Variants in WNT7B observed in about 807,000 individuals in gnomAD.
WNT7B encodes Wnt family member 7B.
In WNT7B, 19 loss-of-function variants were observed where a neutral mutation model predicts 38.2. That is an observed-to-expected ratio of 0.50 (90% confidence interval 0.35 to 0.73). The LOEUF (loss-of-function observed/expected upper bound fraction) is 0.73, where lower values mean the gene tolerates loss of function less well. WNT7B is among the 30% of genes least tolerant of loss of function. WNT7B has a pLI of 0.01. For synonymous variants in WNT7B, 243 were observed against 209.3 expected (o/e 1.16, Z -1.39); for missense variants, 423 against 507.9 (o/e 0.83, Z 1.61).
At chr22:45,944,015 C>G (rs1931735350) in intron 2 of WNT7B, among the ~76,000 whole-genome samples, 1 of 152,152 alleles carries the variant, frequency 6.6e-6, no homozygotes, top group Non-Finnish European at 1.5e-5. Context: ...GAGGAGAAAC[C>G]CCAAATCCTG....
In WNT7B at chr22:45,975,636, T is replaced by G; in HGVS notation, c.71+1048A>C. On this transcript the variant is annotated intron_variant, in intron 1 of 3. Transcript: ENST00000339464. This position sits in a 1 kb window ranked among gnomAD's most constrained non-coding sequence, Gnocchi z 6.6. Reference sequence around the variant, plus strand: ...ACCTCTCCGCCTGGGAAGCCGCGTCTCCCACCAGTGGTACCTGCACCTGCC... The same window carrying G: ...ACCTCTCCGCCTGGGAAGCCGCGTCGCCCACCAGTGGTACCTGCACCTGCC... 1 of 712,726 alleles carries G rather than the reference T, an allele frequency of 1.4e-6. No homozygotes were observed. Among genetic ancestry groups the G allele is most frequent in the South Asian group, 1.5e-5 (1 of 67,060 alleles). The allele number at this position is 712,726 out of a possible 1,614,324, so 44.2% of individuals were successfully genotyped here. A position where few individuals can be genotyped will look rare whatever the true frequency, so the allele number is the denominator to read the frequency against.
intron 1 of WNT7B, among the ~76,000 whole-genome samples, chr22:45,967,512 G>A (rs988140419): frequency 3.9e-5 from 4 of 101,352 alleles, no homozygotes; most frequent in African/African-American, 1.2e-4. Context: ...CACTGGCTCC[G>A]CACCCTGGCC....
chr22:45,927,949 G>A (rs963975432), intron 3 of WNT7B, among the ~76,000 whole-genome samples: 21 of 152,232 alleles, frequency 1.4e-4, no homozygotes, highest in African/African-American at 5.1e-4. Flanking sequence ...ACCTGGTGAA[G>A]ACAGGCAGGG....
chr22:45,967,727 G>A (rs1434054414), intron 1 of WNT7B, among the ~76,000 whole-genome samples: 10 of 152,168 alleles, frequency 6.6e-5, no homozygotes, highest in African/African-American at 1.4e-4. Flanking sequence ...GGGAAGGGGC[G>A]GGAGTGTGAC....
chr22:45,966,765 G>A lies in WNT7B; in HGVS notation c.71+9919C>T, dbSNP rs914159395. Among the ~76,000 whole-genome samples the A allele has an allele frequency of 1.3e-5, 2 of 152,206 alleles. No homozygotes were observed. The highest frequency in any genetic ancestry group is 2.9e-5 in the Non-Finnish European group (2 of 68,034). On this transcript the variant is annotated intron_variant, in intron 1 of 3. Transcript: ENST00000339464. The surrounding 1 kb of genome is among the most constrained non-coding windows in gnomAD (Gnocchi z 4.2). ...CCAGCCTGGGGATGGAGGAAGTGTC[G>A]ATGGCCCTGTGCCAAGCCTCACTTG...
intron 3 of WNT7B, among the ~76,000 whole-genome samples, chr22:45,929,945 C>T (rs1320695591): frequency 6.6e-6 from 1 of 151,246 alleles, no homozygotes; most frequent in Non-Finnish European, 1.5e-5. Flanking sequence ...CTCATCCTTC[C>T]ATCCATCCAC....
intron 1 of WNT7B, among the ~76,000 whole-genome samples, chr22:45,973,010 A>T (rs1954384955): frequency 6.6e-6 from 1 of 152,234 alleles, no homozygotes; most frequent in Non-Finnish European, 1.5e-5. Context: ...AGGCACTGCC[A>T]TGGCTAACCA....
At chr22:45,953,456 C>A (rs1037674774) in intron 1 of WNT7B, among the ~76,000 whole-genome samples, 5 of 152,222 alleles carry the variant, frequency 3.3e-5, no homozygotes, top group Non-Finnish European at 7.3e-5. Flanking sequence ...CCGGGTGTGG[C>A]CATCCCGAGT....
At chr22:45,963,151 C>T (rs1489258608) in intron 1 of WNT7B, among the ~76,000 whole-genome samples, 2 of 152,216 alleles carry the variant, frequency 1.3e-5, no homozygotes, top group African/African-American at 4.8e-5. Flanking sequence ...CACACAGCAT[C>T]TCAGACAGCA....
intron 3 of WNT7B, among the ~76,000 whole-genome samples, chr22:45,924,945 CTCA>C: frequency 7.1e-6 from 1 of 141,582 alleles, no homozygotes; most frequent in South Asian, 2.3e-4. Flanking sequence ...GGCCTGAAGG[CTCA>C]TCAGGTGGGT....
rs1173399843 is a variant in WNT7B, at chr22:45,922,115, TCTC to T, written c.*738_*740del. ...CGGCATGGAGGAGCCTGTCCATGGCTCTCCTCCAAGGCCCGGTCAGGGCTGTGT... is the reference window on the plus strand; with the variant it reads ...CGGCATGGAGGAGCCTGTCCATGGCTCTCCAAGGCCCGGTCAGGGCTGTGT... On this transcript the variant is annotated 3_prime_UTR_variant, in exon 4 of 4. Transcript: ENST00000339464. 5 of 152,198 alleles carry T rather than the reference TCTC, an allele frequency of 3.3e-5. No individual in the cohort carries two copies. The allele number at this position is 152,198 out of a possible 1,614,324, so 9.4% of individuals were successfully genotyped here.
rs1042824972 is a variant in WNT7B, at chr22:45,966,438, G to C, written c.71+10246C>G. 5.6e-4 allele frequency among the ~76,000 whole-genome samples: 85 copies of C among 152,318 alleles called. No individual in the cohort carries two copies. Among genetic ancestry groups the C allele is most frequent in the African/African-American group, 1.9e-3 (80 of 41,566 alleles). On this transcript the variant is annotated intron_variant, in intron 1 of 3. Coordinates refer to ENST00000339464, the MANE Select transcript of WNT7B (RefSeq NM_058238.3). This position sits in a 1 kb window ranked among gnomAD's most constrained non-coding sequence, Gnocchi z 4.2. ...CCTGGCCCATTCAGAGCTCCAACAG[G>C]GCACGGAAGGGTTGGAGCAGGGATC...
At chr22:45,931,468 G>C in intron 2 of WNT7B, 99 bp from the exon 3 acceptor site, 1 of 1,376,450 alleles carries the variant, frequency 7.3e-7, no homozygotes. Context: ...GCTGTTGGCT[G>C]GTTGTGTGAC....
rs1300831939 is a variant in WNT7B at position 45,975,327 on chromosome 22, AC to A, written c.71+1356del. ...AGGAAAAGAGCAGCCTGCCCACTCCACCCCCCGCCCAGCAGGCTCAATGCCC... is the reference window on the plus strand; with the variant it reads ...AGGAAAAGAGCAGCCTGCCCACTCCACCCCCGCCCAGCAGGCTCAATGCCC... On this transcript the variant is annotated intron_variant, in intron 1 of 3. Transcript: ENST00000339464. The surrounding 1 kb of genome is among the most constrained non-coding windows in gnomAD (Gnocchi z 6.6). Among the ~76,000 whole-genome samples, 1 of 151,804 alleles carries A rather than the reference AC, an allele frequency of 6.6e-6. No individual in the cohort carries two copies. The highest frequency in any genetic ancestry group is 6.6e-5 in the Admixed American group (1 of 15,238).
chr22:45,923,497 C>T (rs1405782651), intron 3 of WNT7B, among the ~76,000 whole-genome samples, 162 bp from the exon 4 acceptor site: 1 of 152,200 alleles, frequency 6.6e-6, no homozygotes, highest in Non-Finnish European at 1.5e-5. Flanking sequence ...GCCTCCTCAC[C>T]TATTACATGG....
chr22:45,934,409 G>C (rs1931460373), intron 2 of WNT7B, among the ~76,000 whole-genome samples: 1 of 152,180 alleles, frequency 6.6e-6, no homozygotes, highest in Admixed American at 6.5e-5. Flanking sequence ...GAGCTCTAGG[G>C]AGGCTGAGCT....
chr22:45,940,020 G>T (rs988283716), intron 2 of WNT7B, among the ~76,000 whole-genome samples: 1 of 152,164 alleles, frequency 6.6e-6, no homozygotes, highest in Non-Finnish European at 1.5e-5. Flanking sequence ...CTGGGGTGAT[G>T]AAAATGTTCT....
rs927224433 is a variant in WNT7B, at chr22:45,976,760, A to T, written c.-6T>A. 1 of 1,604,906 alleles carries T rather than the reference A, an allele frequency of 6.2e-7. No individual in the cohort carries two copies. Among genetic ancestry groups the T allele is most frequent in the African/African-American group, 1.3e-5 (1 of 74,534 alleles). On this transcript the variant is annotated 5_prime_UTR_variant, in exon 1 of 4. Transcript: ENST00000339464. The surrounding 1 kb of genome is among the most constrained non-coding windows in gnomAD (Gnocchi z 8.5). Reference sequence around the variant, plus strand: ...TTGCGAAAGTTTCTGTGCATGATCCAGGGAGGGGGGCTGCGCCATAGACAG... The same window carrying T: ...TTGCGAAAGTTTCTGTGCATGATCCTGGGAGGGGGGCTGCGCCATAGACAG...
chr22:45,948,885 C>T (rs1370055386), intron 2 of WNT7B, among the ~76,000 whole-genome samples: 1 of 135,276 alleles, frequency 7.4e-6, no homozygotes, highest in Non-Finnish European at 1.6e-5. Context: ...TGCTCTTTTA[C>T]GCAGACTGGA....
Sources: gnomAD v4.1 joint callset for allele counts (sites outside exome capture counted in the v4.1 genomes callset) on GRCh38, gnomAD v4.1.1 for gene constraint, Gnocchi (gnomAD v3.1) non-coding constraint, MANE v1.5 for transcripts, NCBI Gene and HGNC (gene_info 2026-07-23, HGNC 2026-07-21) for gene names.